Variants in GNG4 observed in about 807,000 individuals in gnomAD.
GNG4 encodes the protein G protein subunit gamma 4, also known as guanine nucleotide-binding protein G(I)/G(S)/G(O) subunit gamma-4.
GNG4 carries 4 observed loss-of-function variants against 5.8 expected under a neutral mutation model. That is an observed-to-expected ratio of 0.69 (90% confidence interval 0.34 to 1.57). The LOEUF (loss-of-function observed/expected upper bound fraction) is 1.57. GNG4 is among the 40% of genes most tolerant of loss of function. GNG4 has a pLI of 0.06. For missense variants in GNG4, 96 were observed against 95.1 expected (o/e 1.01, Z -0.04); for synonymous variants, 29 against 32.9 (o/e 0.88, Z 0.41).
chr1:235,635,291 G>A (rs1244369762), intron 1 of GNG4, among the ~76,000 whole-genome samples: 1 of 152,038 alleles, frequency 6.6e-6, no homozygotes, highest in Non-Finnish European at 1.5e-5. Flanking sequence ...GAGGTCAGCA[G>A]TTCGAGACCA....
chr1:235,583,845 G>A lies in GNG4; in HGVS notation c.-7C>T. On this transcript the variant is annotated 5_prime_UTR_variant, in exon 3 of 4. Transcript: ENST00000391854. ...TAGACATGCCCTCTTTCATTCTACT[G>A]CCCCTAGAAGTAACCAAAGTAAAAG... The A allele has an allele frequency of 6.3e-7, 1 of 1,599,268 alleles. No individual in the cohort carries two copies. Among genetic ancestry groups the A allele is most frequent in the Non-Finnish European group, 8.6e-7 (1 of 1,166,778 alleles).
At chr1:235,578,076 T>C (rs995810278) in intron 3 of GNG4, among the ~76,000 whole-genome samples, 9 of 151,874 alleles carry the variant, frequency 5.9e-5, no homozygotes, top group Admixed American at 5.9e-4. Context: ...TTGCATCACA[T>C]AGATTTTTCT....
intron 1 of GNG4, among the ~76,000 whole-genome samples, chr1:235,630,079 C>T (rs1558503033): frequency 6.6e-6 from 1 of 152,144 alleles, no homozygotes; most frequent in Non-Finnish European, 1.5e-5. Flanking sequence ...GAGCATGTCT[C>T]TTGCACGATA....
chr1:235,609,805 G>A (rs1688440209), intron 1 of GNG4, among the ~76,000 whole-genome samples: 1 of 152,006 alleles, frequency 6.6e-6, no homozygotes. Context: ...TACTCGGGAG[G>A]CTGAGGCTAC....
intron 2 of GNG4, among the ~76,000 whole-genome samples, chr1:235,593,362 CTGACT>C (rs999913273): frequency 3.3e-5 from 5 of 152,310 alleles, no homozygotes; most frequent in African/African-American, 1.2e-4. Context: ...CTGACCTGAC[CTGACT>C]CACGGCACAG....
chr1:235,561,521 AG>A (rs1158911177), intron 3 of GNG4, among the ~76,000 whole-genome samples: 2 of 151,832 alleles, frequency 1.3e-5, no homozygotes, highest in Non-Finnish European at 2.9e-5. Context: ...CAGCTTCCTG[AG>A]TGGCTGGGAT....
chr1:235,622,313 T>G (rs995758947), intron 1 of GNG4, among the ~76,000 whole-genome samples: 4 of 152,194 alleles, frequency 2.6e-5, no homozygotes, highest in African/African-American at 9.7e-5. Flanking sequence ...ACGTGAGTAG[T>G]GGTATGAATC....
rs970213253 is a variant in GNG4, at chr1:235,551,351, G to A, written c.*758C>T. 11 of 152,278 alleles carry A rather than the reference G, an allele frequency of 7.2e-5. No homozygotes were observed. Among genetic ancestry groups the A allele is most frequent in the African/African-American group, 2.7e-4 (11 of 41,438 alleles). The allele number at this position is 152,278 out of a possible 1,614,324, so 9.4% of individuals were successfully genotyped here. On this transcript the variant is annotated 3_prime_UTR_variant, in exon 4 of 4. Coordinates refer to ENST00000391854, the MANE Select transcript of GNG4 (RefSeq NM_001098722.2). Reference sequence around the variant, plus strand: ...GAGGTCAGGAGTTTGAGACCAGCCTGACCAACATGGTGAAACCCCGTCTTT... The same window carrying A: ...GAGGTCAGGAGTTTGAGACCAGCCTAACCAACATGGTGAAACCCCGTCTTT...
chr1:235,644,482 G>A lies in GNG4; in HGVS notation c.-123+5180C>T, dbSNP rs1278067593. Among the ~76,000 whole-genome samples the A allele has an allele frequency of 1.3e-5, 2 of 152,126 alleles. No individual in the cohort carries two copies. Among genetic ancestry groups the A allele is most frequent in the East Asian group, 1.9e-4 (1 of 5,196 alleles). ...TCATCCTGGTAACACCTTCTTCCCC[G>A]CACACACCGTCAAACACATGCACGG... On this transcript the variant is annotated intron_variant, in intron 1 of 3. Transcript: ENST00000391854. The surrounding 1 kb of genome is among the most constrained non-coding windows in gnomAD (Gnocchi z 5.9).
intron 2 of GNG4, among the ~76,000 whole-genome samples, chr1:235,591,479 G>A (rs1394655581): frequency 6.6e-6 from 1 of 152,198 alleles, no homozygotes; most frequent in East Asian, 1.9e-4. Flanking sequence ...GAAGGTTTCG[G>A]AGGTCCTGCT....
intron 2 of GNG4, among the ~76,000 whole-genome samples, chr1:235,588,340 G>A (rs1221652830): frequency 1.3e-5 from 2 of 152,052 alleles, no homozygotes; most frequent in African/African-American, 4.8e-5. Context: ...GCCACCCACA[G>A]CCGAGGCCCC....
intron 3 of GNG4, among the ~76,000 whole-genome samples, chr1:235,582,439 A>C (rs1031217970): frequency 1.3e-5 from 2 of 152,194 alleles, no homozygotes; most frequent in Non-Finnish European, 2.9e-5. Context: ...AACTCTGAGA[A>C]GTCTTCCCTG....
chr1:235,637,050 T>C (rs1221493162), intron 1 of GNG4, among the ~76,000 whole-genome samples: 2 of 98,304 alleles, frequency 2.0e-5, no homozygotes, highest in African/African-American at 3.6e-5. Context: ...AGAGCCAGAC[T>C]CCGTCTCAAA....
At chr1:235,578,538 G>A (rs980351224) in intron 3 of GNG4, among the ~76,000 whole-genome samples, 1 of 152,078 alleles carries the variant, frequency 6.6e-6, no homozygotes, top group Admixed American at 6.6e-5. Flanking sequence ...GTCTATCAGC[G>A]AATGAATGGA....
In GNG4 at chr1:235,636,994, G is replaced by A. The variant is rs191252152; in HGVS notation, c.-123+12668C>T. On this transcript the variant is annotated intron_variant, in intron 1 of 3. Transcript: ENST00000391854. The stretch of plus-strand genomic sequence containing the variant: ...AACCACAGTCTCCTCCTTCAAGAAT[G>A]GGGATAAAGATCCCTGCCTCCCCAC... Among the ~76,000 whole-genome samples, 222 of 151,342 alleles carry A rather than the reference G, an allele frequency of 1.5e-3. 1 individual carries two copies. Among genetic ancestry groups the A allele is most frequent in the African/African-American group, 5.2e-3 (215 of 41,258 alleles).
chr1:235,561,019 TTTTTC>T (rs1343346743), intron 3 of GNG4, among the ~76,000 whole-genome samples: 1 of 152,202 alleles, frequency 6.6e-6, no homozygotes, highest in East Asian at 1.9e-4. Flanking sequence ...GCCCTTTTCT[TTTTTC>T]TTTTGAGACG....
intron 1 of GNG4, among the ~76,000 whole-genome samples, chr1:235,627,944 G>A (rs760115329): frequency 1.1e-4 from 17 of 152,286 alleles, no homozygotes; most frequent in Middle Eastern, 6.8e-3. Flanking sequence ...ACTTTGGGAG[G>A]CCGAGGTGGG....
intron 1 of GNG4, among the ~76,000 whole-genome samples, chr1:235,639,304 A>G (rs1437550986): frequency 6.6e-6 from 1 of 152,242 alleles, no homozygotes; most frequent in Admixed American, 6.5e-5. Flanking sequence ...TAAGTAGTTC[A>G]TACAACATAA....
chr1:235,637,876 A>G lies in GNG4; in HGVS notation c.-123+11786T>C, dbSNP rs145028970. On this transcript the variant is annotated intron_variant, in intron 1 of 3. Coordinates refer to ENST00000391854, the MANE Select transcript of GNG4 (RefSeq NM_001098722.2). ...CAGCTCACTCTGTGGCTGAAGCCAC[A>G]TGTGGGTGCACTGGGCCCAAGGAGC... 1.2e-3 allele frequency among the ~76,000 whole-genome samples: 186 copies of G among 152,320 alleles called. 3 individuals carry two copies. The East Asian group carries it at 0.032, about 27-fold the overall frequency.
Sources: gnomAD v4.1 joint callset for allele counts (sites outside exome capture counted in the v4.1 genomes callset) on GRCh38, gnomAD v4.1.1 for gene constraint, Gnocchi (gnomAD v3.1) non-coding constraint, MANE v1.5 for transcripts, NCBI Gene and HGNC (gene_info 2026-07-23, HGNC 2026-07-21) for gene names.